HOOK3: variants seen among roughly 807,000 people sequenced by gnomAD.
HOOK3 encodes the protein protein Hook homolog 3.
Under a neutral mutation model 116.3 loss-of-function variants are expected in HOOK3, and 24 were observed. The ratio of observed to expected loss-of-function variants is 0.21; its 90% confidence interval spans 0.15 to 0.29. HOOK3 has a LOEUF of 0.29. Ranked by LOEUF, HOOK3 falls within the 10% of genes least tolerant of loss-of-function variation. HOOK3 has a pLI of 1.00. For missense variants in HOOK3, 632 were observed against 830.2 expected (o/e 0.76, Z 2.93); for synonymous variants, 275 against 283.0 (o/e 0.97, Z 0.28).
rs897098151 is a variant in HOOK3, at chr8:43,029,122, T to C, written c.*10624T>C. On this transcript the variant is annotated 3_prime_UTR_variant, in exon 22 of 22. Transcript: ENST00000307602. ...AAATGCTAATCAGTGATTTGGGGCCTTTTAATGTCTTTAACAGCAATCTTT... is the reference window on the plus strand; with the variant it reads ...AAATGCTAATCAGTGATTTGGGGCCCTTTAATGTCTTTAACAGCAATCTTT... 7 of 179,780 alleles carry C rather than the reference T, an allele frequency of 3.9e-5. No homozygotes were observed. The highest frequency in any genetic ancestry group is 7.1e-5 in the Non-Finnish European group (6 of 84,012). 11.1% of individuals were successfully genotyped at this position (179,780 alleles called of 1,614,324 possible). A position where few individuals can be genotyped will look rare whatever the true frequency, so the allele number is the denominator to read the frequency against.
intron 16 of HOOK3, among the ~76,000 whole-genome samples, chr8:42,998,907 A>G (rs966364067): frequency 1.1e-4 from 17 of 152,228 alleles, no homozygotes; most frequent in Admixed American, 1.1e-3. Flanking sequence ...TATTAAGCCT[A>G]ATTAAGTATC....
chr8:42,971,300 T>C (rs1264294334), intron 11 of HOOK3, among the ~76,000 whole-genome samples: 1 of 152,194 alleles, frequency 6.6e-6, no homozygotes, highest in Non-Finnish European at 1.5e-5. Context: ...AGAGTCTCGC[T>C]CTGTCGCTCA....
chr8:43,022,221 G>A lies in HOOK3; in HGVS notation c.*3723G>A, dbSNP rs1311812582. 4.7e-6 allele frequency: 1 copy of A among 210,986 alleles called. No individual in the cohort carries two copies. The highest frequency in any genetic ancestry group is 9.6e-6 in the Non-Finnish European group (1 of 104,044). 13.1% of individuals were successfully genotyped at this position (210,986 alleles called of 1,614,324 possible). A position where few individuals can be genotyped will look rare whatever the true frequency, so the allele number is the denominator to read the frequency against. On this transcript the variant is annotated 3_prime_UTR_variant, in exon 22 of 22. Transcript: ENST00000307602. ...GGTTTATGACGTTTCTGTTTCTCTA[G>A]TAATGATTAATGATTCCTCAGGAGA... is the stretch of plus-strand genomic sequence containing the variant.
At chr8:42,997,461 A>C (rs1280379001) in intron 15 of HOOK3, 89 bp from the exon 16 acceptor site, 5 of 743,224 alleles carry the variant, frequency 6.7e-6, no homozygotes, top group Non-Finnish European at 1.1e-5. Flanking sequence ...TGATTTTGCT[A>C]ATTATACTTT....
intron 13 of HOOK3, among the ~76,000 whole-genome samples, chr8:42,981,035 C>T (rs895209794): frequency 6.6e-6 from 1 of 151,278 alleles, no homozygotes; most frequent in African/African-American, 2.4e-5. Flanking sequence ...TTCTCTGCCT[C>T]TAGAATTGTA....
At chr8:42,902,423 C>T (rs754797934) in intron 1 of HOOK3, among the ~76,000 whole-genome samples, 1 of 152,072 alleles carries the variant, frequency 6.6e-6, no homozygotes, top group Non-Finnish European at 1.5e-5. Context: ...AGGCGTGACC[C>T]ACCATACCCA....
At chr8:42,966,078 T>C (rs1440671915) in intron 9 of HOOK3, among the ~76,000 whole-genome samples, 3 of 152,240 alleles carry the variant, frequency 2.0e-5, no homozygotes, top group Non-Finnish European at 4.4e-5. Flanking sequence ...TTCTCACTTT[T>C]TTTGTTTTAG....
At chr8:42,900,295 T>TA (rs1310622336) in intron 1 of HOOK3, among the ~76,000 whole-genome samples, 1 of 152,126 alleles carries the variant, frequency 6.6e-6, no homozygotes. Context: ...CCCTGCCAAT[T>TA]ACACCTGTGA....
At chr8:42,967,467 G>A (rs1223321924) in intron 10 of HOOK3, among the ~76,000 whole-genome samples, 3 of 152,118 alleles carry the variant, frequency 2.0e-5, no homozygotes, top group Non-Finnish European at 4.4e-5. Context: ...TCCTTCTTCA[G>A]TGTTCTGGAC....
chr8:42,947,611 G>T (rs1347390374), intron 5 of HOOK3, among the ~76,000 whole-genome samples: 2 of 152,296 alleles, frequency 1.3e-5, no homozygotes, highest in East Asian at 3.9e-4. Flanking sequence ...CATTTGTCTA[G>T]ATTTAGGACA....
chr8:42,901,273 C>G (rs1488606858), intron 1 of HOOK3, among the ~76,000 whole-genome samples: 1 of 152,154 alleles, frequency 6.6e-6, no homozygotes, highest in African/African-American at 2.4e-5. Context: ...AAGATTATAA[C>G]CCTTCAGGTA....
At chr8:42,984,950 G>A (rs1034334506) in intron 14 of HOOK3, among the ~76,000 whole-genome samples, 1 of 152,204 alleles carries the variant, frequency 6.6e-6, no homozygotes, top group African/African-American at 2.4e-5. Flanking sequence ...GCTTTTCTGA[G>A]TATGACTAGA....
intron 5 of HOOK3, among the ~76,000 whole-genome samples, chr8:42,947,051 G>A (rs1808244512): frequency 6.6e-6 from 1 of 152,144 alleles, no homozygotes; most frequent in African/African-American, 2.4e-5. Context: ...TTACAGGCAT[G>A]AGCCACTGCG....
intron 6 of HOOK3, among the ~76,000 whole-genome samples, chr8:42,956,436 A>G (rs576518150): frequency 6.6e-6 from 1 of 152,148 alleles, no homozygotes; most frequent in South Asian, 2.1e-4. Context: ...GTAATACTAG[A>G]TTCTTATTAC....
chr8:43,028,125 T>C lies in HOOK3; in HGVS notation c.*9627T>C, dbSNP rs1301565210. On this transcript the variant is annotated 3_prime_UTR_variant, in exon 22 of 22. Coordinates refer to ENST00000307602, the MANE Select transcript of HOOK3 (RefSeq NM_032410.4). ...GATTCTCAATACTTTATTTTTCAAG[T>C]GATAAAATCATTTTATAAATCATTT... The C allele has an allele frequency of 5.3e-6, 1 of 187,226 alleles. No homozygotes were observed. Among genetic ancestry groups the C allele is most frequent in the Non-Finnish European group, 1.1e-5 (1 of 88,878 alleles). The allele number at this position is 187,226 out of a possible 1,614,324, so 11.6% of individuals were successfully genotyped here.
At chr8:42,996,111 C>T (rs1052525566) in intron 15 of HOOK3, among the ~76,000 whole-genome samples, 6 of 151,982 alleles carry the variant, frequency 3.9e-5, no homozygotes, top group Non-Finnish European at 8.8e-5. Flanking sequence ...ATGGGCCAGG[C>T]GCGGTGGCTC....
chr8:43,021,970 A>G lies in HOOK3; in HGVS notation c.*3472A>G, dbSNP rs1809838429. 5.6e-6 allele frequency: 1 copy of G among 179,530 alleles called. No homozygotes were observed. The allele number at this position is 179,530 out of a possible 1,614,324, so 11.1% of individuals were successfully genotyped here. Reference sequence around the variant, plus strand: ...AGGCGTGAGCCACCGCGCCCAGCCTACATTTATAATTTTCATTCTCTTTTA... The same window carrying G: ...AGGCGTGAGCCACCGCGCCCAGCCTGCATTTATAATTTTCATTCTCTTTTA... On this transcript the variant is annotated 3_prime_UTR_variant, in exon 22 of 22. Coordinates refer to ENST00000307602, the MANE Select transcript of HOOK3 (RefSeq NM_032410.4).
At chr8:42,996,550 G>A (rs1422646297) in intron 15 of HOOK3, among the ~76,000 whole-genome samples, 1 of 152,090 alleles carries the variant, frequency 6.6e-6, no homozygotes, top group Admixed American at 6.6e-5. Context: ...GGGTTGTGCT[G>A]ATCTCCTTTT....
chr8:43,000,190 TA>T, intron 16 of HOOK3: 1 of 859,888 alleles, frequency 1.2e-6, no homozygotes, highest in Non-Finnish European at 1.7e-6. Flanking sequence ...CATGAATTAC[TA>T]AATCGTTGCT....
Sources: allele counts gnomAD v4.1 joint callset (sites outside exome capture counted in the v4.1 genomes callset), GRCh38; gene constraint gnomAD v4.1.1; transcripts MANE v1.5; gene names NCBI Gene and HGNC (gene_info 2026-07-23, HGNC 2026-07-21).